The following GPR158 variants were observed in gnomAD, a reference collection of about 807,000 sequenced individuals.
The protein encoded by GPR158 is metabotropic glycine receptor.
Under a neutral mutation model 78.2 loss-of-function variants are expected in GPR158, and 30 were observed. The ratio of observed to expected loss-of-function variants is 0.38; its 90% CI spans 0.29 to 0.52. The LOEUF is 0.52. Among genes scored for constraint, GPR158 ranks in the 20% least tolerant of loss-of-function variants. The probability of loss-of-function intolerance (pLI) is 0.83; values close to 1 mark genes in which losing one functional copy is unlikely to be tolerated. For missense variants in GPR158, 1,463 were observed against 1,523.5 expected (o/e 0.96, Z 0.66); for synonymous variants, 581 against 591.1 (o/e 0.98, Z 0.25).
chr10:25,359,729 G>A (rs1044030096), intron 2 of GPR158, among the ~76,000 whole-genome samples: 13 of 152,116 alleles, frequency 8.5e-5, no homozygotes, highest in African/African-American at 1.7e-4. Context: ...ATGTGTACAT[G>A]TGTCTTTATA....
At chr10:25,353,850 G>A (rs895655886) in intron 2 of GPR158, among the ~76,000 whole-genome samples, 14 of 151,930 alleles carry the variant, frequency 9.2e-5, no homozygotes, top group South Asian at 2.1e-4. Context: ...GACCATTCAC[G>A]TTGTATTATT....
chr10:25,585,960 C>T (rs573248349), intron 7 of GPR158, among the ~76,000 whole-genome samples: 15 of 152,124 alleles, frequency 9.9e-5, no homozygotes, highest in Non-Finnish European at 2.2e-4. Context: ...GCCTGGGTGA[C>T]AGACCAAGAC....
intron 4 of GPR158, among the ~76,000 whole-genome samples, chr10:25,442,769 G>A (rs966953514): frequency 1.3e-5 from 2 of 151,742 alleles, no homozygotes; most frequent in Non-Finnish European, 2.9e-5. Context: ...TTACAGCGTC[G>A]AATCGATTCT....
intron 2 of GPR158, among the ~76,000 whole-genome samples, chr10:25,311,877 A>G (rs1854770404): frequency 6.6e-6 from 1 of 151,986 alleles, no homozygotes; most frequent in African/African-American, 2.4e-5. Flanking sequence ...AGAAAACCCT[A>G]TGTTTTATGA....
intron 5 of GPR158, among the ~76,000 whole-genome samples, chr10:25,512,727 G>GTTTTTTTTTTTTTTTTTTTTTTTT (rs1564475623): frequency 1.4e-5 from 2 of 147,088 alleles, no homozygotes; most frequent in African/African-American, 5.4e-5. Context: ...TTTGCTGAGA[G>GTTTTTTTTTTTTTTTTTTTTTTTT]TTTTAATCAT....
At chr10:25,178,164 A>T (rs1420391539) in intron 1 of GPR158, among the ~76,000 whole-genome samples, 1 of 152,070 alleles carries the variant, frequency 6.6e-6, no homozygotes, top group Non-Finnish European at 1.5e-5. Flanking sequence ...AGGTTTTATT[A>T]TTTTCTCTAT....
At chr10:25,363,976 C>A (rs1044216049) in intron 2 of GPR158, among the ~76,000 whole-genome samples, 9 of 151,926 alleles carry the variant, frequency 5.9e-5, no homozygotes, top group Non-Finnish European at 1.2e-4. Flanking sequence ...ATCGCATCTA[C>A]TCACTGAGTT....
intron 4 of GPR158, among the ~76,000 whole-genome samples, chr10:25,434,510 A>G (rs1369112059): frequency 1.3e-5 from 2 of 152,210 alleles, no homozygotes; most frequent in African/African-American, 4.8e-5. Context: ...AATCCCATCA[A>G]ATGTTACATA....
At chr10:25,438,940 G>T (rs1207438979) in intron 4 of GPR158, among the ~76,000 whole-genome samples, 1 of 152,176 alleles carries the variant, frequency 6.6e-6, no homozygotes, top group East Asian at 1.9e-4. Context: ...TCAGATTTCA[G>T]TGTCCACAAA....
intron 5 of GPR158, among the ~76,000 whole-genome samples, chr10:25,479,335 C>T (rs1470996755): frequency 1.3e-5 from 2 of 151,936 alleles, no homozygotes; most frequent in Non-Finnish European, 2.9e-5. Flanking sequence ...AAATACAGTT[C>T]CTTTCATCCT....
chr10:25,326,545 A>C (rs151025027), intron 2 of GPR158, among the ~76,000 whole-genome samples: 1 of 152,142 alleles, frequency 6.6e-6, no homozygotes, highest in African/African-American at 2.4e-5. Context: ...TTATATGTTG[A>C]GTCTTTAAAT....
At chr10:25,200,148 CT>C (rs1852901679) in intron 1 of GPR158, among the ~76,000 whole-genome samples, 1 of 152,102 alleles carries the variant, frequency 6.6e-6, no homozygotes. Flanking sequence ...TATAAGTGTT[CT>C]TTTTTCTCAG....
At chr10:25,552,208 A>T (rs2130713539) in intron 6 of GPR158, among the ~76,000 whole-genome samples, 1 of 152,308 alleles carries the variant, frequency 6.6e-6, no homozygotes, top group African/African-American at 2.4e-5. Context: ...CTAATAAATC[A>T]TAGGCTTCTG....
chr10:25,421,335 T>C (rs1022166651), intron 4 of GPR158, among the ~76,000 whole-genome samples: 3 of 152,214 alleles, frequency 2.0e-5, no homozygotes, highest in Non-Finnish European at 4.4e-5. Context: ...TAGCAATTGA[T>C]GTTCCTCCTT....
At chr10:25,546,422 C>T (rs538935250) in intron 5 of GPR158, among the ~76,000 whole-genome samples, 2 of 152,242 alleles carry the variant, frequency 1.3e-5, no homozygotes, top group Non-Finnish European at 2.9e-5. Context: ...CAAGTACAAT[C>T]ATCCTCCAGG....
chr10:25,423,694 T>C (rs1564451470), intron 4 of GPR158, among the ~76,000 whole-genome samples: 2 of 152,186 alleles, frequency 1.3e-5, no homozygotes, highest in Non-Finnish European at 2.9e-5. Flanking sequence ...TTCATCCATG[T>C]CCCTACAAAG....
intron 8 of GPR158, among the ~76,000 whole-genome samples, chr10:25,590,067 G>A (rs1375660999): frequency 6.6e-6 from 1 of 152,140 alleles, no homozygotes; most frequent in Non-Finnish European, 1.5e-5. Context: ...AGATCAGTGA[G>A]AATGGAAGAG....
intron 3 of GPR158, among the ~76,000 whole-genome samples, chr10:25,406,718 ATTTCC>A (rs1219401465): frequency 2.0e-5 from 3 of 152,148 alleles, no homozygotes; most frequent in African/African-American, 7.2e-5. Flanking sequence ...ATCTGGCTTA[ATTTCC>A]TTTCTTTACA....
chr10:25,420,123 T>C (rs776258694), intron 4 of GPR158, among the ~76,000 whole-genome samples: 18 of 152,182 alleles, frequency 1.2e-4, no homozygotes, highest in Non-Finnish European at 2.6e-4. Flanking sequence ...TTTTACTTTC[T>C]TAATAGGGTC....
Sources: gnomAD v4.1 joint callset for allele counts (sites outside exome capture counted in the v4.1 genomes callset) on GRCh38, gnomAD v4.1.1 for gene constraint, MANE v1.5 for transcripts, NCBI Gene and HGNC (gene_info 2026-07-23, HGNC 2026-07-21) for gene names.